PDE11A: variants seen among roughly 807,000 people sequenced by gnomAD.
PDE11A encodes phosphodiesterase 11A.
PDE11A carries 100 observed loss-of-function variants against 100.5 expected under a neutral mutation model. That is an observed-to-expected ratio of 1.00 (90% CI 0.85 to 1.18). The LOEUF is 1.18. Among genes scored for constraint, PDE11A ranks in the 50% most tolerant of loss-of-function variants. The pLI is 0.00. For missense variants in PDE11A, 1,141 were observed against 1,152.6 expected (o/e 0.99, Z 0.15); for synonymous variants, 381 against 420.8 (o/e 0.91, Z 1.16).
chr2:177,709,378 G>A (rs997436803), intron 13 of PDE11A, among the ~76,000 whole-genome samples: 2 of 152,164 alleles, frequency 1.3e-5, no homozygotes, highest in African/African-American at 2.4e-5. Flanking sequence ...ATGCAGAGGA[G>A]GCACTGGCTT....
At chr2:178,033,094 ACT>A (rs910317149) in intron 1 of PDE11A, among the ~76,000 whole-genome samples, 15 of 152,196 alleles carry the variant, frequency 9.9e-5, no homozygotes, top group African/African-American at 3.4e-4. Flanking sequence ...GTAATAACAA[ACT>A]CTTCTGAGCT....
chr2:177,817,813 G>C (rs747265161), intron 8 of PDE11A, 45 bp downstream of exon 8: 16 of 837,392 alleles, frequency 1.9e-5, no homozygotes. Flanking sequence ...CTGCAACCAG[G>C]GGACTATTGA....
Position 177,875,839 on chromosome 2 carries a change from A to G in PDE11A, c.1367+20T>C. 1.3e-6 allele frequency: 2 copies of G among 1,552,752 alleles called. No individual in the cohort carries two copies. The highest frequency in any genetic ancestry group is 2.2e-5 in the East Asian group (1 of 44,580). ...AGGACAAAAGAACATCAAAAGACCCATGAACCCCACAAGCCCTACCTGTTC... is the reference window on the plus strand; with the variant it reads ...AGGACAAAAGAACATCAAAAGACCCGTGAACCCCACAAGCCCTACCTGTTC... On this transcript the variant is annotated intron_variant, in intron 5 of 19. Coordinates refer to ENST00000286063, the MANE Select transcript of PDE11A (RefSeq NM_016953.4).
upstream of PDE11A, among the ~76,000 whole-genome samples, chr2:178,077,168 G>A (rs114015388): frequency 0.014 from 2,200 of 152,138 alleles, 47 homozygotes; most frequent in African/African-American, 0.05. Flanking sequence ...AATACTCACA[G>A]GTGTGGTTCA....
At chr2:178,025,546 A>G (rs2086467988) in intron 1 of PDE11A, among the ~76,000 whole-genome samples, 1 of 152,156 alleles carries the variant, frequency 6.6e-6, no homozygotes, top group Non-Finnish European at 1.5e-5. Context: ...CTTTATTACA[A>G]TAAATACAAA....
At chr2:177,649,425 A>G (rs1260598121) in intron 19 of PDE11A, among the ~76,000 whole-genome samples, 1 of 152,180 alleles carries the variant, frequency 6.6e-6, no homozygotes, top group African/African-American at 2.4e-5. Context: ...AAAATCTAAT[A>G]CTATGCAGCC....
chr2:178,015,461 C>A (rs1554776), intron 1 of PDE11A, among the ~76,000 whole-genome samples: 1 of 151,778 alleles, frequency 6.6e-6, no homozygotes, highest in Non-Finnish European at 1.5e-5. Flanking sequence ...TAAAGTTAAA[C>A]CATGGGAGCT....
At chr2:177,957,244 A>G (rs2085576425) in intron 2 of PDE11A, among the ~76,000 whole-genome samples, 1 of 151,512 alleles carries the variant, frequency 6.6e-6, no homozygotes, top group South Asian at 2.1e-4. Flanking sequence ...TGTATATAAT[A>G]TATGCTATTT....
intron 17 of PDE11A, among the ~76,000 whole-genome samples, chr2:177,671,634 T>C (rs538589046): frequency 1.3e-5 from 2 of 152,224 alleles, no homozygotes; most frequent in South Asian, 4.1e-4. Flanking sequence ...ATGAGATTGC[T>C]AGCTTAGAAC....
chr2:177,936,528 T>G (rs1418590453), intron 2 of PDE11A, among the ~76,000 whole-genome samples: 1 of 152,230 alleles, frequency 6.6e-6, no homozygotes, highest in Non-Finnish European at 1.5e-5. Flanking sequence ...AGAACAGGTC[T>G]CTAAAGATTT....
intron 4 of PDE11A, among the ~76,000 whole-genome samples, chr2:177,887,434 G>A (rs925345803): frequency 2.0e-5 from 3 of 146,974 alleles, no homozygotes; most frequent in African/African-American, 5.1e-5. Context: ...CTTAGGAAAC[G>A]TCGGCTGGAC....
chr2:177,807,082 A>G (rs1187475846), intron 9 of PDE11A, among the ~76,000 whole-genome samples: 1 of 152,198 alleles, frequency 6.6e-6, no homozygotes, highest in Non-Finnish European at 1.5e-5. Flanking sequence ...AACACCAAGC[A>G]TAAGAAACAT....
chr2:178,014,435 T>TG lies in PDE11A; in HGVS notation c.937_938insC (p.Asp313AlafsTer20). On this transcript the variant is annotated frameshift_variant, in exon 2 of 20. Transcript: ENST00000286063. LOFTEE classifies it high-confidence loss of function. ...TTTTGTCTTGTATCCAGTTAGCTTG[T>TG]CGATTTCATCATTGAATCGTCGATC... 6.2e-7 allele frequency: 1 copy of TG among 1,613,326 alleles called. No individual in the cohort carries two copies.
intron 13 of PDE11A, among the ~76,000 whole-genome samples, chr2:177,706,479 G>A (rs77947921): frequency 0.049 from 7,491 of 152,196 alleles, 285 homozygotes; most frequent in East Asian, 0.2. Context: ...AAGAAGATAG[G>A]TTTCTTGCAA....
At chr2:177,755,871 AG>A (rs1391347487) in intron 10 of PDE11A, among the ~76,000 whole-genome samples, 1 of 152,222 alleles carries the variant, frequency 6.6e-6, no homozygotes, top group Admixed American at 6.5e-5. Context: ...ATTTGGCCCA[AG>A]GGGCCACCTG....
Position 177,741,455 on chromosome 2 carries a change from G to T in PDE11A, c.1789-13283C>A, listed in dbSNP as rs1574096957. Among the ~76,000 whole-genome samples, 8 of 152,278 alleles carry T rather than the reference G, an allele frequency of 5.3e-5. No individual in the cohort carries two copies. The South Asian group carries it at 1.7e-3, about 32-fold the overall frequency. On this transcript the variant is annotated intron_variant, in intron 10 of 19. Coordinates refer to ENST00000286063, the MANE Select transcript of PDE11A (RefSeq NM_016953.4). Reference sequence around the variant, plus strand: ...AGGGCCTCAACATATGAATTTGGGAGTGGGGAAGAAACAATTTGGTCCATA... The same window carrying T: ...AGGGCCTCAACATATGAATTTGGGATTGGGGAAGAAACAATTTGGTCCATA...
intron 2 of PDE11A, among the ~76,000 whole-genome samples, chr2:177,908,020 A>G (rs2084818777): frequency 6.6e-6 from 1 of 152,242 alleles, no homozygotes; most frequent in African/African-American, 2.4e-5. Context: ...GTATAGTAAA[A>G]TCAGACTCTT....
At chr2:178,006,123 G>T (rs966590759) in intron 2 of PDE11A, among the ~76,000 whole-genome samples, 1 of 152,078 alleles carries the variant, frequency 6.6e-6, no homozygotes, top group African/African-American at 2.4e-5. Context: ...CAATTATTGT[G>T]TTACTGATTT....
intron 2 of PDE11A, among the ~76,000 whole-genome samples, chr2:178,103,738 T>A (rs1448652028): frequency 2.0e-5 from 3 of 151,876 alleles, no homozygotes; most frequent in African/African-American, 4.8e-5. Context: ...GATTATCATA[T>A]TATAATTTCC....
Sources: allele counts gnomAD v4.1 joint callset (sites outside exome capture counted in the v4.1 genomes callset), GRCh38; gene constraint gnomAD v4.1.1; transcripts MANE v1.5; gene names NCBI Gene and HGNC (gene_info 2026-07-23, HGNC 2026-07-21).